Variants in OR4P4 observed in about 807,000 individuals in gnomAD.
OR4P4 encodes olfactory receptor family 4 subfamily P member 4, also known as olfactory receptor 4P4.
A neutral mutation model predicts 2.1 loss-of-function variants in OR4P4; 1 was observed. The observed-to-expected ratio is 0.47, with a 90% CI of 0.17 to 2.21. The LOEUF is 2.21. Among genes scored for constraint, OR4P4 ranks in the 30% most tolerant of loss-of-function variants. OR4P4 has a pLI of 0.27. For synonymous variants in OR4P4, 129 were observed against 133.2 expected, an observed-to-expected ratio of 0.97 and a Z score of 0.22; for missense variants, 375 against 376.5, an observed-to-expected ratio of 1.00 and a Z score of 0.03.
At chr11:55,639,668 C>A (rs1858436061) in exon 2 of OR4P4, 1 of 177,556 alleles carries the variant, frequency 5.6e-6, no homozygotes, top group East Asian at 1.7e-4. Flanking sequence ...CAAGTCTAAA[C>A]ACAGAAAATG....
chr11:55,636,767 C>A (rs1028970086), intron 1 of OR4P4, among the ~76,000 whole-genome samples: 4 of 137,692 alleles, frequency 2.9e-5, no homozygotes, highest in African/African-American at 1.0e-4. Flanking sequence ...CTATTTTATT[C>A]TTTTAAATGT....
rs1484199356 is a variant in OR4P4 at position 55,639,112 on chromosome 11, C to T, written c.755C>T (p.Ala252Val). 2.7e-6 allele frequency: 4 copies of T among 1,493,390 alleles called. 1 individual carries two copies. In the African/African-American group the frequency reaches 4.1e-5, roughly 15 times the overall value. 92.5% of individuals were successfully genotyped at this position (1,493,390 alleles called of 1,614,324 possible). ...GTTGTGGTCCTGTTTTTTGCACCTG[C>T]ATTGTTCATTTACATTAGACCGGTC... The change falls in exon 2 of 2, where the codon GCA becomes GTA. Residue 252 changes from alanine (A) to valine (V), a missense_variant. Transcript: ENST00000641760.
In OR4P4 at chr11:55,638,569, A is replaced by G. The variant is rs1319947362; in HGVS notation, c.212A>G (p.Tyr71Cys). The G allele has an allele frequency of 3.4e-6, 5 of 1,479,128 alleles. 1 individual carries two copies. The highest frequency in any genetic ancestry group is 4.6e-6 in the Non-Finnish European group (5 of 1,086,908). 91.6% of individuals were successfully genotyped at this position (1,479,128 alleles called of 1,614,324 possible). ...TACCTCTCACTCTCCGACCTTTGCT[A>G]CACATCCACAGTGACCCCCAAATTA... Residue 71 changes from tyrosine (Y) to cysteine (C), a missense_variant, in exon 2 of 2, where the codon TAC becomes TGC. By Grantham distance (194) the Tyr-to-Cys change is radical (BLOSUM62 -2). Transcript: ENST00000641760.
exon 2 of OR4P4, chr11:55,639,214 C>G: frequency 6.7e-7 from 1 of 1,488,038 alleles, no homozygotes; most frequent in Non-Finnish European, 9.1e-7. Context: ...CTCATATACA[C>G]GCTGAGAAAC....
chr11:55,638,587 C>A, exon 2 of OR4P4: 1 of 1,481,114 alleles, frequency 6.8e-7, no homozygotes, highest in Non-Finnish European at 9.2e-7. Flanking sequence ...ACAGTGACCC[C>A]CAAATTAATG....
At chr11:55,638,612 A>G in exon 2 of OR4P4, 1 of 1,488,416 alleles carries the variant, frequency 6.7e-7, no homozygotes, top group Non-Finnish European at 9.1e-7. Flanking sequence ...ACTTACTGGC[A>G]GAAAGAAAGA....
intron 1 of OR4P4, among the ~76,000 whole-genome samples, chr11:55,635,917 C>T (rs1858383418): frequency 7.3e-6 from 1 of 137,330 alleles, no homozygotes; most frequent in African/African-American, 2.5e-5. Context: ...GATGAGATGA[C>T]ATATTCTAGA....
Position 55,639,407 on chromosome 11 carries a change from C to G in OR4P4, c.*111C>G. ...AAAAGTGGGCAAACAGGAAGCATAT[C>G]CCTTCTGTGGTTTTATACTTCTACA... On this transcript the variant is annotated 3_prime_UTR_variant, in exon 2 of 2. Transcript: ENST00000641760. 1.2e-5 allele frequency: 7 copies of G among 605,178 alleles called. 1 individual carries two copies. The highest frequency in any genetic ancestry group is 1.7e-5 in the Non-Finnish European group (6 of 360,492). 37.5% of individuals were successfully genotyped at this position (605,178 alleles called of 1,614,324 possible).
chr11:55,639,384 A>C, exon 2 of OR4P4: 1 of 738,776 alleles, frequency 1.4e-6, no homozygotes, highest in Admixed American at 3.6e-5. Context: ...TTGGAGAGAA[A>C]AGTGGGCAAA....
At chr11:55,637,982 G>T (rs1222423295) in intron 1 of OR4P4, among the ~76,000 whole-genome samples, 2 of 138,166 alleles carry the variant, frequency 1.4e-5, no homozygotes, top group African/African-American at 2.5e-5. Flanking sequence ...GAGAGTAAAA[G>T]CAGTATCCTT....
chr11:55,638,261 T>C (rs1858411084), intron 1 of OR4P4, 67 bp from the exon 2 acceptor site: 1 of 634,780 alleles, frequency 1.6e-6, no homozygotes, highest in Non-Finnish European at 2.6e-6. Context: ...AGCTAGTTCC[T>C]CAAATAAAAT....
exon 2 of OR4P4, chr11:55,638,965 T>C (rs759484984): frequency 1.3e-6 from 2 of 1,487,120 alleles, no homozygotes; most frequent in South Asian, 1.2e-5. Flanking sequence ...AATTCAGGCT[T>C]AATTGCTTTG....
exon 2 of OR4P4, chr11:55,638,990 C>A: frequency 6.7e-7 from 1 of 1,489,078 alleles, no homozygotes; most frequent in Non-Finnish European, 9.1e-7. Context: ...CATTTGTTGT[C>A]TTGTTGTTGT....
exon 2 of OR4P4, chr11:55,638,427 C>T (rs1348329361): frequency 1.4e-6 from 2 of 1,461,494 alleles, no homozygotes; most frequent in South Asian, 1.2e-5. Flanking sequence ...CATTGAAGTC[C>T]TCTGCTTTGT....
chr11:55,636,910 G>A lies in OR4P4; in HGVS notation c.-30-1418G>A, dbSNP rs754495378. Among the ~76,000 whole-genome samples, 6 of 137,850 alleles carry A rather than the reference G, an allele frequency of 4.4e-5. 2 individuals carry two copies. Among genetic ancestry groups the A allele is most frequent in the Admixed American group, 1.6e-4 (2 of 12,616 alleles). 90.4% of individuals were successfully genotyped at this position (137,850 alleles called of 152,430 possible). A position where few individuals can be genotyped will look rare whatever the true frequency, so the allele number is the denominator to read the frequency against. ...TTATAAAATTTGCAAGATTACATTT[G>A]AAGTTAGTGGCTGAATTAAGACAAG... On this transcript the variant is annotated intron_variant, in intron 1 of 1. Coordinates refer to ENST00000641760, the Ensembl canonical transcript of OR4P4.
Position 55,639,658 on chromosome 11 carries a change from CAA to C in OR4P4, c.*363_*364del, listed in dbSNP as rs1255245803. The C allele has an allele frequency of 9.3e-5, 17 of 181,956 alleles. 3 individuals carry two copies. Among genetic ancestry groups the C allele is most frequent in the South Asian group, 2.3e-4 (2 of 8,832 alleles). The allele number at this position is 181,956 out of a possible 1,614,324, so 11.3% of individuals were successfully genotyped here. A position where few individuals can be genotyped will look rare whatever the true frequency, so the allele number is the denominator to read the frequency against. On this transcript the variant is annotated 3_prime_UTR_variant, in exon 2 of 2. Coordinates refer to ENST00000641760, the Ensembl canonical transcript of OR4P4. ...TACTCTCAGCTTTTACATTTTTACT[CAA>C]GTCTAAACACAGAAAATGCATGTAT...
Position 55,638,715 on chromosome 11 carries a change from C to T in OR4P4, c.358C>T (p.Arg120Cys), listed in dbSNP as rs747849915. ...CATTCTCACAGGGATGGCCTATGAC[C>T]GCTATGTGGCCATTTGCAAGCCCCT... The change falls in exon 2 of 2, where the codon CGC (arginine) becomes TGC (cysteine). Residue 120 changes from arginine (R) to cysteine (C), a missense_variant. By Grantham distance (180) the Arg-to-Cys change is radical. Coordinates refer to ENST00000641760, the Ensembl canonical transcript of OR4P4. 1.9e-5 allele frequency: 28 copies of T among 1,491,718 alleles called. 3 individuals carry two copies. Among genetic ancestry groups the T allele is most frequent in the African/African-American group, 1.7e-4 (12 of 72,614 alleles). The allele number at this position is 1,491,718 out of a possible 1,614,324, so 92.4% of individuals were successfully genotyped here.
chr11:55,636,886 T>C (rs1858394495), intron 1 of OR4P4, among the ~76,000 whole-genome samples: 1 of 138,098 alleles, frequency 7.2e-6, no homozygotes, highest in Non-Finnish European at 1.6e-5. Context: ...TAAAACAAGT[T>C]ATAAAATTTG....
At chr11:55,639,172 T>A in exon 2 of OR4P4, 1 of 1,491,058 alleles carries the variant, frequency 6.7e-7, no homozygotes, top group South Asian at 1.2e-5. Context: ...TTTGCCCTTT[T>A]TTATACCATC....
Sources: allele counts gnomAD v4.1 joint callset (sites outside exome capture counted in the v4.1 genomes callset), GRCh38; gene constraint gnomAD v4.1.1; transcripts MANE v1.5; gene names NCBI Gene and HGNC (gene_info 2026-07-23, HGNC 2026-07-21).